ACSM1: variants seen among roughly 807,000 people sequenced by gnomAD.
The protein encoded by ACSM1 is acyl-coenzyme A synthetase ACSM1, mitochondrial.
ACSM1 carries 79 observed loss-of-function variants against 75.8 expected under a neutral mutation model. The ratio of observed to expected loss-of-function variants is 1.04; its 90% CI spans 0.87 to 1.26. The LOEUF is 1.26. Ranked by LOEUF, ACSM1 falls within the 50% of genes most tolerant of loss-of-function variation. ACSM1 has a pLI of 0.00. For missense variants in ACSM1, 676 were observed against 720.1 expected (o/e 0.94, Z 0.70); for synonymous variants, 279 against 265.8 (o/e 1.05, Z -0.48).
At chr16:20,667,707 A>G (rs2019649130) in intron 6 of ACSM1, among the ~76,000 whole-genome samples, 1 of 152,192 alleles carries the variant, frequency 6.6e-6, no homozygotes, top group African/African-American at 2.4e-5. Context: ...CTCATATGTT[A>G]TTGGCAGTGC....
At chr16:20,628,769 G>A (rs539835761) in intron 10 of ACSM1, among the ~76,000 whole-genome samples, 22 of 152,208 alleles carry the variant, frequency 1.4e-4, no homozygotes, top group African/African-American at 5.1e-4. Flanking sequence ...TTTGTGTGAA[G>A]TTGGCACTTT....
intron 7 of ACSM1, among the ~76,000 whole-genome samples, chr16:20,646,254 A>T (rs1373840106): frequency 6.6e-6 from 1 of 152,208 alleles, no homozygotes. Context: ...GGACACTTTT[A>T]AAAAGATTGT....
chr16:20,625,895 C>T (rs1336288857), intron 11 of ACSM1, among the ~76,000 whole-genome samples: 2 of 152,142 alleles, frequency 1.3e-5, no homozygotes, highest in East Asian at 1.9e-4. Flanking sequence ...GCAGGATTTT[C>T]GGCTTTTATT....
chr16:20,637,511 G>T, intron 8 of ACSM1, 60 bp from the exon 9 acceptor site: 1 of 1,387,922 alleles, frequency 7.2e-7, no homozygotes, highest in Non-Finnish European at 1.0e-6. Flanking sequence ...TCACAAAGCA[G>T]TCAGAATCAT....
Position 20,682,360 on chromosome 16 carries a change from G to C in ACSM1, c.507C>G (p.Ala169=). 1 of 1,614,070 alleles carries C rather than the reference G, an allele frequency of 6.2e-7. No individual in the cohort carries two copies. The highest frequency in any genetic ancestry group is 1.1e-5 in the South Asian group (1 of 91,074). Residue 169 remains alanine, a synonymous_variant, in exon 4 of 14, where the codon GCC becomes GCG. Transcript: ENST00000520010. Reference sequence around the variant, plus strand: ...GAGAAGCTATGGAGTCCACCTCTGAGGCAAGGGCATCTATGGTCACAATGC... The same window carrying C: ...GAGAAGCTATGGAGTCCACCTCTGACGCAAGGGCATCTATGGTCACAATGC... ...AKGIVTIDAL[A]SEVDSIASQC...
chr16:20,640,782 G>A (rs765860234), intron 7 of ACSM1, among the ~76,000 whole-genome samples, 198 bp from the exon 8 acceptor site: 8 of 152,224 alleles, frequency 5.3e-5, no homozygotes, highest in Non-Finnish European at 7.3e-5. Context: ...TCTGGCAGAC[G>A]GTGGATGGGT....
intron 7 of ACSM1, among the ~76,000 whole-genome samples, chr16:20,642,953 A>C (rs148323218): frequency 6.6e-6 from 1 of 152,248 alleles, no homozygotes; most frequent in Non-Finnish European, 1.5e-5. Context: ...CCATGACCCT[A>C]TAACACTCAA....
At position 20,697,447 on chromosome 16, in the gene ACSM1, C is replaced by A. The variant is rs181048161; in HGVS notation, c.-52+189G>T. 4.6e-5 allele frequency among the ~76,000 whole-genome samples: 7 copies of A among 152,068 alleles called. No homozygotes were observed. In the East Asian group the frequency reaches 1.4e-3, roughly 29 times the overall value. ...GTACGTTCCTATTTATTCCTCTCAC[C>A]CAATATCACCATTGTCATTTTGCCT... On this transcript the variant is annotated intron_variant, in intron 1 of 13. Coordinates refer to ENST00000520010, the MANE Select transcript of ACSM1 (RefSeq NM_001318890.3).
chr16:20,665,672 G>A (rs1373378962), intron 6 of ACSM1, among the ~76,000 whole-genome samples: 1 of 152,058 alleles, frequency 6.6e-6, no homozygotes, highest in Non-Finnish European at 1.5e-5. Flanking sequence ...ATATGGCAGA[G>A]ATACAATGAC....
intron 11 of ACSM1, among the ~76,000 whole-genome samples, chr16:20,626,372 TAAAATAAA>T (rs1278538905): frequency 1.3e-5 from 2 of 151,342 alleles, no homozygotes; most frequent in African/African-American, 2.4e-5. Flanking sequence ...AAATAAAAAA[TAAAATAAA>T]AAAATAAAAA....
intron 3 of ACSM1, among the ~76,000 whole-genome samples, chr16:20,683,126 AT>A (rs60633738): frequency 0.032 from 4,713 of 148,312 alleles, 129 homozygotes; most frequent in East Asian, 0.094. Context: ...TTATTTATTT[AT>A]TTTTTTTTAA....
chr16:20,624,975 C>T (rs1719142281), intron 12 of ACSM1, among the ~76,000 whole-genome samples: 2 of 152,130 alleles, frequency 1.3e-5, no homozygotes, highest in African/African-American at 4.8e-5. Flanking sequence ...TCCACCTCAG[C>T]CTCCCAAAAC....
chr16:20,628,006 A>G (rs2017095764), intron 10 of ACSM1, among the ~76,000 whole-genome samples: 5 of 150,348 alleles, frequency 3.3e-5, no homozygotes, highest in African/African-American at 1.2e-4. Flanking sequence ...GCATTCACAT[A>G]GAGCCTGGAC....
intron 4 of ACSM1, among the ~76,000 whole-genome samples, chr16:20,672,471 A>AAAAAAAAAAAAAAAAAAAATATATAT (rs1555473775): frequency 1.5e-5 from 1 of 64,558 alleles, no homozygotes; most frequent in Non-Finnish European, 2.6e-5. Flanking sequence ...AAAAAAAAAA[A>AAAAAAAAAAAAAAAAAAAATATATAT]ATATATATAT....
At chr16:20,696,120 T>C (rs796829575) in intron 1 of ACSM1, among the ~76,000 whole-genome samples, 13 of 152,344 alleles carry the variant, frequency 8.5e-5, no homozygotes, top group African/African-American at 2.9e-4. Context: ...CAATGGGCTA[T>C]AGCATATCGC....
chr16:20,627,883 T>TAC (rs2017073930), intron 10 of ACSM1, among the ~76,000 whole-genome samples: 2 of 15,898 alleles, frequency 1.3e-4, no homozygotes, highest in Non-Finnish European at 2.1e-4. Context: ...TATATATATA[T>TAC]ATATATATAT....
At chr16:20,643,928 G>C (rs973552306) in intron 7 of ACSM1, among the ~76,000 whole-genome samples, 1 of 152,134 alleles carries the variant, frequency 6.6e-6, no homozygotes, top group Non-Finnish European at 1.5e-5. Flanking sequence ...GCACTGATTG[G>C]TGCATTTTTA....
chr16:20,673,280 A>G (rs1482565867), intron 4 of ACSM1, among the ~76,000 whole-genome samples: 1 of 151,900 alleles, frequency 6.6e-6, no homozygotes, highest in Non-Finnish European at 1.5e-5. Context: ...CAAGGCTTCT[A>G]TGGTGTTCAA....
Position 20,664,147 on chromosome 16 carries a change from G to GTATTTATT in ACSM1, c.913-2282_913-2275dup, listed in dbSNP as rs71149169. 9.0e-3 allele frequency among the ~76,000 whole-genome samples: 1,305 copies of GTATTTATT among 145,592 alleles called. 12 individuals are homozygous for GTATTTATT. The highest frequency in any genetic ancestry group is 0.022 in the African/African-American group (858 of 39,668). ...ATGTTTTGTTTTACTAAATTGAATAGTATTTATTTATTTATTTATTTATTT... is the reference window on the plus strand; with the variant it reads ...ATGTTTTGTTTTACTAAATTGAATAGTATTTATTTATTTATTTATTTATTTATTTATTT... On this transcript the variant is annotated intron_variant, in intron 6 of 13. Coordinates refer to ENST00000520010, the MANE Select transcript of ACSM1 (RefSeq NM_001318890.3).
Sources: gnomAD v4.1 joint callset for allele counts (sites outside exome capture counted in the v4.1 genomes callset) on GRCh38, gnomAD v4.1.1 for gene constraint, MANE v1.5 for transcripts, NCBI Gene and HGNC (gene_info 2026-07-23, HGNC 2026-07-21) for gene names.